Variants in TSHZ2 observed in about 807,000 individuals in gnomAD.
TSHZ2 encodes the protein teashirt zinc finger homeobox 2, also known as teashirt homolog 2.
Under a neutral mutation model 74.4 loss-of-function variants are expected in TSHZ2, and 21 were observed. The ratio of observed to expected loss-of-function variants is 0.28; its 90% CI spans 0.20 to 0.41. TSHZ2 has a LOEUF of 0.41. TSHZ2 is among the 10% of genes least tolerant of loss of function. TSHZ2 has a pLI of 1.00. For synonymous variants in TSHZ2, 540 were observed against 515.3 expected (o/e 1.05, Z -0.65); for missense variants, 1,244 against 1,293.5 (o/e 0.96, Z 0.59).
chr20:53,409,845 T>C (rs1436273474), intron 2 of TSHZ2, among the ~76,000 whole-genome samples: 1 of 131,078 alleles, frequency 7.6e-6, no homozygotes, highest in African/African-American at 2.9e-5. Context: ...TTTTTTTTTT[T>C]TTTTTTTTTT....
intron 1 of TSHZ2, among the ~76,000 whole-genome samples, chr20:53,112,802 C>G (rs188240819): frequency 1.3e-5 from 2 of 152,198 alleles, no homozygotes; most frequent in Admixed American, 6.5e-5. Flanking sequence ...AGATTAAAGG[C>G]GTGTGCCCCT....
At chr20:53,234,337 T>C (rs1424016958) in intron 1 of TSHZ2, among the ~76,000 whole-genome samples, 1 of 152,224 alleles carries the variant, frequency 6.6e-6, no homozygotes, top group Admixed American at 6.5e-5. Flanking sequence ...ATTGAGTCAT[T>C]CAACAAATAC....
chr20:53,091,879 AC>A (rs1209861380), intron 1 of TSHZ2, among the ~76,000 whole-genome samples: 2 of 152,160 alleles, frequency 1.3e-5, no homozygotes, highest in African/African-American at 4.8e-5. Flanking sequence ...GCCTGTCTCT[AC>A]TAAAAATAAA....
At chr20:53,033,149 T>C (rs1490710759) in intron 1 of TSHZ2, among the ~76,000 whole-genome samples, 2 of 152,216 alleles carry the variant, frequency 1.3e-5, no homozygotes, top group African/African-American at 4.8e-5. Context: ...GCTGGTATTA[T>C]TTTTTCCCCA....
rs1299571513 is a variant in TSHZ2, at chr20:53,074,648, G to A, written c.40+101315G>A. Among the ~76,000 whole-genome samples, 1 of 152,158 alleles carries A rather than the reference G, an allele frequency of 6.6e-6. No individual in the cohort carries two copies. The highest frequency in any genetic ancestry group is 1.9e-4 in the East Asian group (1 of 5,202). On this transcript the variant is annotated intron_variant, in intron 1 of 2. Coordinates refer to ENST00000371497, the MANE Select transcript of TSHZ2 (RefSeq NM_173485.6). The surrounding 1 kb of genome is among the most constrained non-coding windows in gnomAD (Gnocchi z 5.9). Reference sequence around the variant, plus strand: ...GGGACTCATAATAAAGGACTATTCAGATTAAGAAAAGGCTACTTGGAAACT... The same window carrying A: ...GGGACTCATAATAAAGGACTATTCAAATTAAGAAAAGGCTACTTGGAAACT...
intron 1 of TSHZ2, among the ~76,000 whole-genome samples, chr20:52,997,265 G>GC (rs1401657865): frequency 6.7e-6 from 1 of 149,796 alleles, no homozygotes; most frequent in Non-Finnish European, 1.5e-5. Context: ...GCCCCGGGGG[G>GC]GGGTTCAGCA....
At chr20:53,385,826 G>T (rs148762807) in intron 2 of TSHZ2, among the ~76,000 whole-genome samples, 4 of 152,076 alleles carry the variant, frequency 2.6e-5, no homozygotes, top group African/African-American at 9.7e-5. Flanking sequence ...TGGAACTTTC[G>T]AGAATCTGAA....
chr20:53,396,820 C>T (rs955107081), intron 2 of TSHZ2, among the ~76,000 whole-genome samples: 1 of 148,272 alleles, frequency 6.7e-6, no homozygotes. Context: ...TGCACTCCAT[C>T]CAGTCTGAGT....
At chr20:53,298,580 A>G (rs936806387) in intron 2 of TSHZ2, among the ~76,000 whole-genome samples, 1 of 152,216 alleles carries the variant, frequency 6.6e-6, no homozygotes, top group Non-Finnish European at 1.5e-5. Flanking sequence ...CAAGGGGGAT[A>G]GTACTGAGGC....
intron 1 of TSHZ2, among the ~76,000 whole-genome samples, chr20:53,156,843 G>A (rs942601990): frequency 2.0e-5 from 3 of 152,262 alleles, no homozygotes; most frequent in Admixed American, 6.5e-5. Context: ...ATAAGATAAC[G>A]TTTCTGTAGG....
At chr20:53,036,517 G>A (rs906749961) in intron 1 of TSHZ2, among the ~76,000 whole-genome samples, 9 of 150,416 alleles carry the variant, frequency 6.0e-5, no homozygotes, top group Non-Finnish European at 1.3e-4. Context: ...ACATATATTA[G>A]AAATAAATAC....
At chr20:53,092,057 A>T (rs1345575993) in intron 1 of TSHZ2, among the ~76,000 whole-genome samples, 1 of 151,930 alleles carries the variant, frequency 6.6e-6, no homozygotes, top group Non-Finnish European at 1.5e-5. Context: ...AAAATATAAC[A>T]ACAAAACCGA....
intron 1 of TSHZ2, among the ~76,000 whole-genome samples, chr20:52,977,307 CT>C (rs1981379026): frequency 6.6e-6 from 1 of 152,104 alleles, no homozygotes; most frequent in African/African-American, 2.4e-5. Context: ...TCCTCCCTCA[CT>C]TTGTTTAAAC....
chr20:53,024,959 G>A (rs984637610), intron 1 of TSHZ2, among the ~76,000 whole-genome samples: 2 of 152,172 alleles, frequency 1.3e-5, no homozygotes, highest in African/African-American at 2.4e-5. Flanking sequence ...ATAGACATAC[G>A]TGTGCATGTA....
At chr20:53,458,864 T>G (rs1183001192) in intron 2 of TSHZ2, among the ~76,000 whole-genome samples, 1 of 152,116 alleles carries the variant, frequency 6.6e-6, no homozygotes, top group Non-Finnish European at 1.5e-5. Context: ...TCCATGTAGT[T>G]GAGCGGTTTT....
chr20:53,453,894 C>T (rs1600652577), intron 2 of TSHZ2, among the ~76,000 whole-genome samples: 1 of 151,772 alleles, frequency 6.6e-6, no homozygotes, highest in East Asian at 1.9e-4. Context: ...AAGAAGTCAC[C>T]ATCCTAGGAC....
intron 1 of TSHZ2, among the ~76,000 whole-genome samples, chr20:53,055,889 C>A (rs1984624184): frequency 6.6e-6 from 1 of 152,206 alleles, no homozygotes; most frequent in East Asian, 1.9e-4. Flanking sequence ...TTTTGTGCTA[C>A]CCCAGGAGAC....
intron 1 of TSHZ2, among the ~76,000 whole-genome samples, chr20:53,164,838 G>C (rs1002723201): frequency 1.3e-5 from 2 of 152,172 alleles, no homozygotes; most frequent in African/African-American, 4.8e-5. Context: ...TTAAATCATA[G>C]TAACATTATT....
At chr20:53,153,581 C>A (rs1987724655) in intron 1 of TSHZ2, among the ~76,000 whole-genome samples, 1 of 152,130 alleles carries the variant, frequency 6.6e-6, no homozygotes, top group African/African-American at 2.4e-5. Context: ...TCAGAACAGA[C>A]CCTGAGTCTA....
Sources: allele counts gnomAD v4.1 joint callset (sites outside exome capture counted in the v4.1 genomes callset), GRCh38; gene constraint gnomAD v4.1.1; non-coding constraint Gnocchi (gnomAD v3.1); transcripts MANE v1.5; gene names NCBI Gene and HGNC (gene_info 2026-07-23, HGNC 2026-07-21).